Variants in TFDP2 observed in about 807,000 individuals in gnomAD.
The protein encoded by TFDP2 is transcription factor Dp-2, also known as transcription factor Dp-2 (E2F dimerization partner 2).
TFDP2 carries 17 observed loss-of-function variants against 59.3 expected under a neutral mutation model. That is an observed-to-expected ratio of 0.29 (90% CI 0.20 to 0.43). The LOEUF (loss-of-function observed/expected upper bound fraction) is 0.43. Among genes scored for constraint, TFDP2 ranks in the 20% least tolerant of loss-of-function variants. The probability of loss-of-function intolerance (pLI) is 1.00; values close to 1 mark genes in which losing one functional copy is unlikely to be tolerated. For synonymous variants in TFDP2, 180 were observed against 194.7 expected (o/e 0.92, Z 0.63); for missense variants, 391 against 528.8 (o/e 0.74, Z 2.56).
intron 6 of TFDP2, among the ~76,000 whole-genome samples, chr3:141,985,119 T>C (rs1182259604): frequency 6.6e-6 from 1 of 152,056 alleles, no homozygotes; most frequent in African/African-American, 2.4e-5. Context: ...CATTAGAAAA[T>C]GAGGATTAAA....
chr3:141,977,106 A>ATTTTT (rs66720095), intron 7 of TFDP2, among the ~76,000 whole-genome samples: 1 of 97,524 alleles, frequency 1.0e-5, no homozygotes, highest in East Asian at 2.7e-4. Context: ...ATATATATAT[A>ATTTTT]TTTTTTTTTT....
intron 9 of TFDP2, among the ~76,000 whole-genome samples, chr3:141,966,155 A>T (rs1938019867): frequency 1.3e-5 from 2 of 151,960 alleles, no homozygotes; most frequent in Non-Finnish European, 2.9e-5. Context: ...GTAAAAACAT[A>T]ATGTTTTTAT....
intron 6 of TFDP2, among the ~76,000 whole-genome samples, chr3:141,987,790 T>C (rs1464865945): frequency 7.4e-6 from 1 of 135,836 alleles, no homozygotes; most frequent in Non-Finnish European, 1.6e-5. Flanking sequence ...AAAAAAAAAA[T>C]TAGCCGGGCA....
chr3:142,040,114 A>AAC (rs61576382), intron 3 of TFDP2, among the ~76,000 whole-genome samples: 9,645 of 150,368 alleles, frequency 0.064, 338 homozygotes, highest in Middle Eastern at 0.11. Context: ...CACAAAATAA[A>AAC]ACACACACAC....
intron 1 of TFDP2, among the ~76,000 whole-genome samples, chr3:142,119,920 C>T (rs531437145): frequency 1.1e-3 from 156 of 147,902 alleles, no homozygotes; most frequent in South Asian, 2.0e-3. Context: ...CATGGTGGTG[C>T]GCGCCTGTAG....
intron 1 of TFDP2, among the ~76,000 whole-genome samples, chr3:142,105,435 A>C (rs563209671): frequency 6.6e-6 from 1 of 152,040 alleles, no homozygotes; most frequent in East Asian, 1.9e-4. Context: ...GGGCTACCAG[A>C]TTCAACTAGT....
intron 1 of TFDP2, among the ~76,000 whole-genome samples, chr3:142,110,012 G>T (rs1174250417): frequency 6.6e-6 from 1 of 152,022 alleles, no homozygotes; most frequent in East Asian, 1.9e-4. Context: ...TCAGTCGTTG[G>T]GACTACAGGT....
intron 3 of TFDP2, among the ~76,000 whole-genome samples, chr3:142,086,907 G>C (rs1353409419): frequency 6.6e-6 from 1 of 152,120 alleles, no homozygotes; most frequent in Non-Finnish European, 1.5e-5. Flanking sequence ...TAATTACCCA[G>C]GAAATCCTGA....
At chr3:142,062,427 G>T (rs113896410) in intron 3 of TFDP2, among the ~76,000 whole-genome samples, 2 of 141,624 alleles carry the variant, frequency 1.4e-5, no homozygotes, top group Admixed American at 1.4e-4. Context: ...GTGTGTGTGT[G>T]TATATATATA....
In TFDP2 at chr3:142,149,385, G is replaced by A. The variant is rs2063303864; in HGVS notation, c.-295C>T. 1 of 388,264 alleles carries A rather than the reference G, an allele frequency of 2.6e-6. No individual in the cohort carries two copies. Among genetic ancestry groups the A allele is most frequent in the Admixed American group, 4.5e-5 (1 of 22,392 alleles). The allele number at this position is 388,264 out of a possible 1,614,324, so 24.1% of individuals were successfully genotyped here. On this transcript the variant is annotated 5_prime_UTR_variant, in exon 1 of 13. Coordinates refer to ENST00000489671, the MANE Select transcript of TFDP2 (RefSeq NM_001178139.2). ...GAACGCCAACCGTGCGCGCGCCCTC[G>A]AGCCTGCCCAAAGATGAAGGGTCAG... is the stretch of plus-strand genomic sequence containing the variant.
intron 3 of TFDP2, among the ~76,000 whole-genome samples, chr3:142,041,149 C>T (rs1946949513): frequency 6.6e-6 from 1 of 152,196 alleles, no homozygotes; most frequent in Non-Finnish European, 1.5e-5. Context: ...CAACTGATGT[C>T]ATAAGTGAGG....
intron 1 of TFDP2, among the ~76,000 whole-genome samples, chr3:142,112,236 G>A (rs1023871662): frequency 6.6e-6 from 1 of 152,144 alleles, no homozygotes; most frequent in African/African-American, 2.4e-5. Context: ...TAATTCTTCA[G>A]TAACTGAAAT....
rs542744853 is a variant in TFDP2, at chr3:141,948,387, C to T, written c.*4126G>A. The T allele has an allele frequency of 1.3e-5, 2 of 152,020 alleles. No homozygotes were observed. The highest frequency in any genetic ancestry group is 4.8e-5 in the African/African-American group (2 of 41,410). The allele number at this position is 152,020 out of a possible 1,614,324, so 9.4% of individuals were successfully genotyped here. ...TGAAACCCTGACTCTACTAAAAATA[C>T]AAAAAATTAGTCGGGTGTGGCGGCA... On this transcript the variant is annotated 3_prime_UTR_variant, in exon 13 of 13. Coordinates refer to ENST00000489671, the MANE Select transcript of TFDP2 (RefSeq NM_001178139.2).
At chr3:142,084,704 T>C (rs2060751007) in intron 3 of TFDP2, among the ~76,000 whole-genome samples, 1 of 152,032 alleles carries the variant, frequency 6.6e-6, no homozygotes, top group Admixed American at 6.6e-5. Flanking sequence ...TTATGTTAAG[T>C]GAAATAAGCA....
chr3:142,025,414 T>G (rs984525219), intron 3 of TFDP2, among the ~76,000 whole-genome samples: 1 of 152,242 alleles, frequency 6.6e-6, no homozygotes, highest in Non-Finnish European at 1.5e-5. Context: ...TTTGAAGGGC[T>G]AGGAGTCCAA....
intron 4 of TFDP2, among the ~76,000 whole-genome samples, chr3:142,000,058 AC>A (rs750595575): frequency 2.0e-5 from 3 of 152,284 alleles, no homozygotes; most frequent in Non-Finnish European, 2.9e-5. Context: ...CTTTAACTAA[AC>A]AAAAACTTTT....
rs558962030 is a variant in TFDP2 at position 142,016,135 on chromosome 3, C to T, written c.83-10591G>A. On this transcript the variant is annotated intron_variant, in intron 3 of 12. Coordinates refer to ENST00000489671, the MANE Select transcript of TFDP2 (RefSeq NM_001178139.2). Reference sequence around the variant, plus strand: ...CGAGCAATTCTCCTGCCTCAGCCTCCCGAGTAGCTGGAATTACAGGGGCCT... The same window carrying T: ...CGAGCAATTCTCCTGCCTCAGCCTCTCGAGTAGCTGGAATTACAGGGGCCT... Among the ~76,000 whole-genome samples the T allele has an allele frequency of 4.8e-3, 723 of 151,644 alleles. 1 individual carries two copies. Among genetic ancestry groups the T allele is most frequent in the Middle Eastern group, 0.02 (6 of 294 alleles).
At chr3:142,097,920 T>A (rs1255119943) in intron 2 of TFDP2, among the ~76,000 whole-genome samples, 1 of 152,098 alleles carries the variant, frequency 6.6e-6, no homozygotes, top group East Asian at 1.9e-4. Flanking sequence ...CTGGCCCAAG[T>A]AGCTGGGATT....
chr3:142,074,462 C>A (rs1022526186), intron 3 of TFDP2, among the ~76,000 whole-genome samples: 11 of 152,030 alleles, frequency 7.2e-5, no homozygotes, highest in Admixed American at 2.0e-4. Flanking sequence ...CCTGCAATCC[C>A]AACACTTTGG....
Sources: allele counts gnomAD v4.1 joint callset (sites outside exome capture counted in the v4.1 genomes callset), GRCh38; gene constraint gnomAD v4.1.1; transcripts MANE v1.5; gene names NCBI Gene and HGNC (gene_info 2026-07-23, HGNC 2026-07-21).